Variants in MGAT4C observed in about 807,000 individuals in gnomAD.
MGAT4C encodes MGAT4 family member C.
Under a neutral mutation model 40.1 loss-of-function variants are expected in MGAT4C, and 19 were observed. The ratio of observed to expected loss-of-function variants is 0.47; its 90% confidence interval spans 0.33 to 0.70. MGAT4C has a LOEUF of 0.70. Among genes scored for constraint, MGAT4C ranks in the 30% least tolerant of loss-of-function variants. The pLI, the probability that MGAT4C is intolerant of heterozygous loss-of-function variation, is 0.02. For synonymous variants in MGAT4C, 181 were observed against 187.1 expected, an observed-to-expected ratio of 0.97 and a Z score of 0.27; for missense variants, 491 against 563.2, an observed-to-expected ratio of 0.87 and a Z score of 1.30.
rs183230835 is a variant in MGAT4C, at chr12:86,516,023, T to C, written c.-228-80758A>G. Among the ~76,000 whole-genome samples the C allele has an allele frequency of 3.3e-3, 509 of 152,046 alleles. 1 individual carries two copies. The highest frequency in any genetic ancestry group is 0.012 in the African/African-American group (492 of 41,492). On this transcript the variant is annotated intron_variant, in intron 2 of 7. Coordinates refer to the MGAT4C transcript ENST00000548651. ...CCTCCCAAAGTGCTGGGATTACAGG[T>C]GTGAGCCATCGCGCCCGGCCCATTT...
intron 4 of MGAT4C, among the ~76,000 whole-genome samples, chr12:86,274,127 G>A (rs1447673735): frequency 6.6e-6 from 1 of 152,044 alleles, no homozygotes; most frequent in East Asian, 1.9e-4. Context: ...AGAGAGTGAG[G>A]GAAGAGGTGC....
At chr12:86,449,335 T>C (rs1406421193) in intron 2 of MGAT4C, among the ~76,000 whole-genome samples, 2 of 152,178 alleles carry the variant, frequency 1.3e-5, no homozygotes, top group Admixed American at 1.3e-4. Flanking sequence ...AGATATGCTT[T>C]GGTTCAAATT....
chr12:86,433,143 C>T (rs1269274295), intron 3 of MGAT4C, among the ~76,000 whole-genome samples: 1 of 151,840 alleles, frequency 6.6e-6, no homozygotes, highest in African/African-American at 2.4e-5. Flanking sequence ...ATCAGGGGGG[C>T]AGAGATGCTA....
At chr12:86,080,870 G>A (rs1440044872) in intron 1 of MGAT4C, among the ~76,000 whole-genome samples, 1 of 151,984 alleles carries the variant, frequency 6.6e-6, no homozygotes, top group African/African-American at 2.4e-5. Flanking sequence ...AATATTTTTG[G>A]GTAACAAAAT....
chr12:86,280,175 T>C (rs1172161173), intron 4 of MGAT4C, among the ~76,000 whole-genome samples: 2 of 152,020 alleles, frequency 1.3e-5, no homozygotes, highest in Non-Finnish European at 2.9e-5. Flanking sequence ...ATAGTGCAGA[T>C]TAAGTTCAAT....
At position 85,967,677 on chromosome 12, in the gene MGAT4C, C is replaced by G. The variant is rs899359763; in HGVS notation, c.*11612G>C. The G allele has an allele frequency of 2.0e-5, 3 of 151,880 alleles. No homozygotes were observed. Among genetic ancestry groups the G allele is most frequent in the Non-Finnish European group, 2.9e-5 (2 of 67,930 alleles). The allele number at this position is 151,880 out of a possible 1,614,324, so 9.4% of individuals were successfully genotyped here. A position where few individuals can be genotyped will look rare whatever the true frequency, so the allele number is the denominator to read the frequency against. On this transcript the variant is annotated 3_prime_UTR_variant, in exon 5 of 5. Coordinates refer to ENST00000611864, the MANE Select transcript of MGAT4C (RefSeq NM_001351288.2). ...GCATTAAAATAATGTATTCATTGAT[C>G]TCATAAAGAATAGATGATCAGATTT...
At chr12:86,800,854 T>C (rs752290054) in intron 1 of MGAT4C, among the ~76,000 whole-genome samples, 10 of 151,898 alleles carry the variant, frequency 6.6e-5, no homozygotes, top group Non-Finnish European at 1.2e-4. Flanking sequence ...TCTTTATCTA[T>C]ATTTGCCTTA....
intron 2 of MGAT4C, among the ~76,000 whole-genome samples, chr12:86,640,336 T>C (rs1438777994): frequency 6.6e-6 from 1 of 151,842 alleles, no homozygotes. Flanking sequence ...TTTGATTGAA[T>C]AAAGTTTAGA....
intron 2 of MGAT4C, among the ~76,000 whole-genome samples, chr12:86,546,011 T>C (rs1193391222): frequency 1.3e-5 from 2 of 152,100 alleles, no homozygotes; most frequent in African/African-American, 2.4e-5. Context: ...GGTTATTTGC[T>C]ATGTTTCCTA....
intron 2 of MGAT4C, among the ~76,000 whole-genome samples, chr12:86,705,684 G>C (rs1052246075): frequency 3.9e-5 from 6 of 152,040 alleles, no homozygotes; most frequent in Non-Finnish European, 1.5e-5. Context: ...GGAGACTCTA[G>C]GAAAGAAAAT....
At chr12:86,084,769 G>A (rs912853727) in intron 1 of MGAT4C, among the ~76,000 whole-genome samples, 2 of 151,658 alleles carry the variant, frequency 1.3e-5, no homozygotes, top group African/African-American at 2.4e-5. Context: ...AATGAAGTTT[G>A]AGCAGATGAC....
At chr12:86,245,937 A>C (rs1952006652) in intron 1 of MGAT4C, among the ~76,000 whole-genome samples, 1 of 152,210 alleles carries the variant, frequency 6.6e-6, no homozygotes, top group Non-Finnish European at 1.5e-5. Context: ...TTTTAAAACA[A>C]AAGTTTACAC....
At chr12:86,049,900 T>A (rs1018152339) in intron 1 of MGAT4C, among the ~76,000 whole-genome samples, 177 bp from the exon 2 acceptor site, 4 of 151,986 alleles carry the variant, frequency 2.6e-5, no homozygotes, top group African/African-American at 9.7e-5. Flanking sequence ...TTTAACATAA[T>A]TTATCTGTGT....
At chr12:86,467,249 G>A (rs1338060116) in intron 2 of MGAT4C, among the ~76,000 whole-genome samples, 1 of 152,064 alleles carries the variant, frequency 6.6e-6, no homozygotes, top group African/African-American at 2.4e-5. Flanking sequence ...CAAATTATTA[G>A]TATGTACATG....
intron 1 of MGAT4C, among the ~76,000 whole-genome samples, chr12:86,115,658 T>G (rs1417890714): frequency 2.0e-5 from 3 of 152,054 alleles, no homozygotes; most frequent in Non-Finnish European, 4.4e-5. Flanking sequence ...TGTAAGTTTC[T>G]TATTTCAAAG....
At chr12:86,044,651 ATCTGCTGGAGCTC>A (rs925892216) in intron 2 of MGAT4C, among the ~76,000 whole-genome samples, 7 of 152,052 alleles carry the variant, frequency 4.6e-5, no homozygotes, top group African/African-American at 1.7e-4. Flanking sequence ...GCAGCAGCCG[ATCTGCTGGAGCTC>A]TCTGATGGTC....
At chr12:86,243,658 G>GGCC (rs1951886764) in intron 1 of MGAT4C, among the ~76,000 whole-genome samples, 1 of 152,084 alleles carries the variant, frequency 6.6e-6, no homozygotes, top group Non-Finnish European at 1.5e-5. Flanking sequence ...TCCTACTGAT[G>GGCC]GCCATCAGGA....
rs537931174 is a variant in MGAT4C, at chr12:86,773,770, C to T, written c.-261-46529G>A. ...ATTTGTACACTTTTAATTTTGAGCT[C>T]TTTCATGGAAAGGATTTTTTAAACT... On this transcript the variant is annotated intron_variant, in intron 1 of 7. Coordinates refer to the MGAT4C transcript ENST00000548651. 1.3e-4 allele frequency among the ~76,000 whole-genome samples: 19 copies of T among 151,750 alleles called. No individual in the cohort carries two copies. The South Asian group carries it at 3.9e-3, about 31-fold the overall frequency.
At chr12:86,422,333 ATTG>A (rs1956843218) in intron 3 of MGAT4C, among the ~76,000 whole-genome samples, 1 of 152,232 alleles carries the variant, frequency 6.6e-6, no homozygotes, top group Admixed American at 6.5e-5. Flanking sequence ...GAAGTCCTGG[ATTG>A]TTGCCTTAAT....
Sources: gnomAD v4.1 joint callset for allele counts (sites outside exome capture counted in the v4.1 genomes callset) on GRCh38, gnomAD v4.1.1 for gene constraint, MANE v1.5 for transcripts, NCBI Gene and HGNC (gene_info 2026-07-23, HGNC 2026-07-21) for gene names.